FAM13A: variants seen among roughly 807,000 people sequenced by gnomAD.
The protein encoded by FAM13A is protein FAM13A.
A neutral mutation model predicts 129.6 loss-of-function variants in FAM13A; 76 were observed. The ratio of observed to expected loss-of-function variants is 0.59; its 90% CI spans 0.49 to 0.71. The LOEUF is 0.71. Ranked by LOEUF, FAM13A falls within the 30% of genes least tolerant of loss-of-function variation. The pLI, the probability that FAM13A is intolerant of heterozygous loss-of-function variation, is 0.00. For missense variants in FAM13A, 1,108 were observed against 1,249.3 expected (o/e 0.89, Z 1.70); for synonymous variants, 443 against 449.9 (o/e 0.98, Z 0.20).
intron 6 of FAM13A, among the ~76,000 whole-genome samples, chr4:88,885,335 T>G (rs1185387679): frequency 6.6e-6 from 1 of 152,030 alleles, no homozygotes; most frequent in African/African-American, 2.4e-5. Flanking sequence ...TGAAACAGGA[T>G]AGAGAACCCA....
chr4:88,958,880 C>T (rs551952122), intron 4 of FAM13A, among the ~76,000 whole-genome samples: 1 of 152,286 alleles, frequency 6.6e-6, no homozygotes, highest in Admixed American at 6.5e-5. Context: ...CCCTGCAAAG[C>T]CAAAAGGGTA....
intron 13 of FAM13A, among the ~76,000 whole-genome samples, chr4:88,761,820 C>CA (rs144510778): frequency 0.016 from 2,402 of 152,032 alleles, 43 homozygotes; most frequent in African/African-American, 0.054. Flanking sequence ...CTTATTAATT[C>CA]AAAAGAAATG....
intron 6 of FAM13A, among the ~76,000 whole-genome samples, chr4:88,870,725 T>C (rs920812704): frequency 3.9e-5 from 6 of 152,208 alleles, no homozygotes; most frequent in Admixed American, 2.6e-4. Flanking sequence ...CAGAAACTTC[T>C]GCAGACTTAA....
At chr4:88,910,808 C>T (rs1278838774) in intron 5 of FAM13A, among the ~76,000 whole-genome samples, 1 of 152,060 alleles carries the variant, frequency 6.6e-6, no homozygotes, top group African/African-American at 2.4e-5. Flanking sequence ...CGTCACCATG[C>T]CCAGCTAATT....
chr4:88,974,597 C>T (rs147244322), intron 4 of FAM13A, among the ~76,000 whole-genome samples: 2,158 of 152,242 alleles, frequency 0.014, 60 homozygotes, highest in African/African-American at 0.048. Flanking sequence ...CTGCCTCAGC[C>T]TCCCGAGTAG....
chr4:88,921,201 C>T (rs1245975621), intron 5 of FAM13A, among the ~76,000 whole-genome samples: 4 of 151,626 alleles, frequency 2.6e-5, no homozygotes, highest in African/African-American at 4.8e-5. Context: ...ATACAGAGAA[C>T]GCCACAAAGA....
intron 4 of FAM13A, among the ~76,000 whole-genome samples, chr4:88,963,095 GC>G (rs1439478544): frequency 6.6e-6 from 1 of 151,998 alleles, no homozygotes; most frequent in East Asian, 1.9e-4. Flanking sequence ...TTTACAAGAA[GC>G]AAGTATCATT....
chr4:88,882,799 CTT>C (rs953802152), intron 6 of FAM13A, among the ~76,000 whole-genome samples: 1 of 152,034 alleles, frequency 6.6e-6, no homozygotes, highest in Admixed American at 6.6e-5. Flanking sequence ...CTCACATAAA[CTT>C]AATGTAAAGG....
In FAM13A at chr4:88,750,537, G is replaced by C. The variant is rs371681708; in HGVS notation, c.1827C>G (p.Asp609Glu). Residue 609 changes from aspartate to glutamate, a missense_variant, in exon 15 of 24, where the codon GAC (aspartate) becomes GAG (glutamate). By Grantham distance (45) the Asp-to-Glu change is conservative. This residue lies in a region of FAM13A where 529 missense variants were observed against 621.2 expected (regional missense o/e 0.85). Coordinates refer to ENST00000264344, the MANE Select transcript of FAM13A (RefSeq NM_014883.4). ...QAGRLIRQLL[D>E]EDSDPMLSPR... ...GAGAGAGCATGGGGTCGCTGTCTTC[G>C]TCCAGCAGCTGACGGATCAGGCGCC... 1.2e-6 allele frequency: 2 copies of C among 1,614,138 alleles called. No individual in the cohort carries two copies. Among genetic ancestry groups the C allele is most frequent in the South Asian group, 2.2e-5 (2 of 91,086 alleles).
In FAM13A at chr4:89,004,248, C is replaced by T. The variant is rs140204008; in HGVS notation, c.428-13098G>A. On this transcript the variant is annotated intron_variant, in intron 3 of 23. Coordinates refer to ENST00000264344, the MANE Select transcript of FAM13A (RefSeq NM_014883.4). ...CCACCTCTCGGATTCAAATAACTCC[C>T]GTGCTTCAGCCTTCTGAGTAGCTGG... Among the ~76,000 whole-genome samples the T allele has an allele frequency of 1.7e-3, 261 of 152,240 alleles. 2 individuals are homozygous for T. Among genetic ancestry groups the T allele is most frequent in the African/African-American group, 5.6e-3 (234 of 41,544 alleles).
intron 3 of FAM13A, among the ~76,000 whole-genome samples, chr4:88,999,307 G>A (rs957474513): frequency 4.6e-5 from 7 of 152,100 alleles, no homozygotes; most frequent in Non-Finnish European, 1.0e-4. Flanking sequence ...ATATAAAATA[G>A]TCTAAATTAT....
At chr4:88,967,805 G>C (rs1425374976) in intron 4 of FAM13A, among the ~76,000 whole-genome samples, 1 of 152,214 alleles carries the variant, frequency 6.6e-6, no homozygotes, top group African/African-American at 2.4e-5. Flanking sequence ...TGGGGACAGA[G>C]AGGAAGGGAA....
At chr4:88,977,917 T>A (rs372630674) in intron 4 of FAM13A, among the ~76,000 whole-genome samples, 1 of 152,186 alleles carries the variant, frequency 6.6e-6, no homozygotes, top group South Asian at 2.1e-4. Context: ...GGATAATGTA[T>A]AATATCATCT....
chr4:88,864,054 A>G (rs1230316855), intron 6 of FAM13A, among the ~76,000 whole-genome samples: 1 of 152,280 alleles, frequency 6.6e-6, no homozygotes, highest in Admixed American at 6.5e-5. Context: ...AATTCGAGAG[A>G]AAGAATAAAT....
At chr4:88,941,183 C>G (rs995654521) in intron 4 of FAM13A, among the ~76,000 whole-genome samples, 1 of 152,136 alleles carries the variant, frequency 6.6e-6, no homozygotes, top group South Asian at 2.1e-4. Context: ...TTCCACATCA[C>G]CAAATCAAAA....
At chr4:88,786,859 G>C (rs752057762) in intron 10 of FAM13A, among the ~76,000 whole-genome samples, 177 of 151,284 alleles carry the variant, frequency 1.2e-3, no homozygotes, top group Admixed American at 2.2e-3. Flanking sequence ...TGAGGGGTGT[G>C]GGACTATTAT....
chr4:88,827,100 T>G (rs190133074), intron 7 of FAM13A, among the ~76,000 whole-genome samples: 2 of 152,318 alleles, frequency 1.3e-5, no homozygotes, highest in Middle Eastern at 3.4e-3. Flanking sequence ...TTTACCACTT[T>G]TCCAAAACTG....
chr4:88,785,289 C>T lies in FAM13A; in HGVS notation c.1271+2464G>A, dbSNP rs190401327. On this transcript the variant is annotated intron_variant, in intron 10 of 23. Transcript: ENST00000264344. ...TTTTGAATAGAATATTACAGCCTAG[C>T]TTAATTTTTCCTTATTTTTTGAGTA... Among the ~76,000 whole-genome samples the T allele has an allele frequency of 1.3e-4, 20 of 152,214 alleles. No individual in the cohort carries two copies. The East Asian group carries it at 3.1e-3, about 23-fold the overall frequency.
intron 6 of FAM13A, among the ~76,000 whole-genome samples, chr4:88,883,384 G>T (rs1743900325): frequency 6.6e-6 from 1 of 151,974 alleles, no homozygotes; most frequent in Non-Finnish European, 1.5e-5. Context: ...CAAATACATG[G>T]AAATTTAACA....
Sources: allele counts gnomAD v4.1 joint callset (sites outside exome capture counted in the v4.1 genomes callset), GRCh38; gene constraint gnomAD v4.1.1; regional missense constraint gnomAD v4.1.1; transcripts MANE v1.5; gene names NCBI Gene and HGNC (gene_info 2026-07-23, HGNC 2026-07-21).